Variants in KCNMA1 observed in about 807,000 individuals in gnomAD.
The protein encoded by KCNMA1 is Calcium-activated potassium channel subunit alpha-1.
In KCNMA1, 29 loss-of-function variants were observed where a neutral mutation model predicts 140.0. The ratio of observed to expected loss-of-function variants is 0.21; its 90% confidence interval spans 0.15 to 0.28. The LOEUF (loss-of-function observed/expected upper bound fraction) is 0.28. KCNMA1 is among the 10% of genes least tolerant of loss of function. KCNMA1 has a pLI of 1.00. For synonymous variants in KCNMA1, 612 were observed against 611.9 expected, an observed-to-expected ratio of 1.00 and a Z score of 0.00; for missense variants, 880 against 1,602.2, an observed-to-expected ratio of 0.55 and a Z score of 7.70.
At chr10:77,008,731 T>A (rs762924642) in intron 18 of KCNMA1, among the ~76,000 whole-genome samples, 15 of 152,174 alleles carry the variant, frequency 9.9e-5, no homozygotes, top group Non-Finnish European at 1.8e-4. Flanking sequence ...CCTCATGGGA[T>A]CTACCATTCC....
Position 77,637,552 on chromosome 10 carries a change from C to G in KCNMA1, c.91G>C (p.Ala31Pro). The G allele has an allele frequency of 1.9e-6, 3 of 1,544,334 alleles. No homozygotes were observed. Among genetic ancestry groups the G allele is most frequent in the South Asian group, 2.4e-5 (2 of 84,384 alleles). ...GACGCGTCTAGGCTGAGATGGTTCG[C>G]GTGGATATTGCTACTCATTCTAAGA... ...SSLRMSSNIH[A>P]NHLSLDASSS... The change falls in exon 1 of 28, where the codon GCG becomes CCG. Residue 31 changes from alanine to proline, a missense_variant. Around this residue, in one of 13 missense-constraint regions of KCNMA1, gnomAD observed 94 missense variants for 92.4 expected, o/e 1.02. Coordinates refer to ENST00000286628, the MANE Select transcript of KCNMA1 (RefSeq NM_001161352.2).
chr10:77,031,469 T>C (rs982688601), intron 15 of KCNMA1, among the ~76,000 whole-genome samples: 3 of 152,356 alleles, frequency 2.0e-5, no homozygotes, highest in South Asian at 2.1e-4. Context: ...CTGAACCCTA[T>C]AGGTATCTAA....
At chr10:77,487,800 C>T (rs2098478550) in intron 1 of KCNMA1, among the ~76,000 whole-genome samples, 1 of 152,178 alleles carries the variant, frequency 6.6e-6, no homozygotes, top group African/African-American at 2.4e-5. Flanking sequence ...CAGTGGTCCT[C>T]AGAGATGGCC....
chr10:77,264,266 G>A (rs1384100022), intron 2 of KCNMA1, among the ~76,000 whole-genome samples: 1 of 152,078 alleles, frequency 6.6e-6, no homozygotes, highest in African/African-American at 2.4e-5. Context: ...TCTAGCACAG[G>A]GGACCTAGAG....
intron 1 of KCNMA1, among the ~76,000 whole-genome samples, chr10:77,529,839 C>G (rs1371976344): frequency 6.6e-6 from 1 of 152,086 alleles, no homozygotes; most frequent in African/African-American, 2.4e-5. Context: ...CATCCTAATC[C>G]CAGTTTGGAG....
intron 1 of KCNMA1, among the ~76,000 whole-genome samples, chr10:77,544,319 T>G (rs2060906941): frequency 6.6e-6 from 1 of 152,124 alleles, no homozygotes; most frequent in Non-Finnish European, 1.5e-5. Flanking sequence ...TATAATTGTT[T>G]AAAGGAAAAA....
chr10:76,984,901 A>G (rs2080785075), intron 19 of KCNMA1, among the ~76,000 whole-genome samples: 1 of 152,212 alleles, frequency 6.6e-6, no homozygotes, highest in South Asian at 2.1e-4. Flanking sequence ...TTTATTTTAG[A>G]GAAATAAAGG....
chr10:77,480,449 C>G lies in KCNMA1; in HGVS notation c.379-76426G>C, dbSNP rs548972776. Among the ~76,000 whole-genome samples the G allele has an allele frequency of 2.0e-5, 3 of 152,380 alleles. No homozygotes were observed. In the South Asian group the frequency reaches 6.2e-4, roughly 32 times the overall value. On this transcript the variant is annotated intron_variant, in intron 1 of 27. Coordinates refer to ENST00000286628, the MANE Select transcript of KCNMA1 (RefSeq NM_001161352.2). The stretch of plus-strand genomic sequence containing the variant: ...CCTAAATTGCAGCAGAGCTGATCTT[C>G]TTCCAGCTGAGCCAAGGGCCATCAG...
At chr10:77,069,625 A>G (rs914374122) in intron 14 of KCNMA1, among the ~76,000 whole-genome samples, 2 of 152,298 alleles carry the variant, frequency 1.3e-5, no homozygotes, top group Non-Finnish European at 2.9e-5. Context: ...AGATTCCTAA[A>G]AAGTTTAGAT....
intron 5 of KCNMA1, among the ~76,000 whole-genome samples, chr10:77,159,586 C>T (rs949663188): frequency 1.3e-5 from 2 of 152,190 alleles, no homozygotes; most frequent in Non-Finnish European, 2.9e-5. Context: ...ACTTAAGTTA[C>T]ACCTACATCC....
chr10:77,397,623 T>C (rs2096105064), intron 2 of KCNMA1, among the ~76,000 whole-genome samples: 1 of 152,250 alleles, frequency 6.6e-6, no homozygotes, highest in African/African-American at 2.4e-5. Flanking sequence ...AAATACAGTT[T>C]ATTTGTATAA....
chr10:77,030,617 A>G (rs1366277436), intron 15 of KCNMA1, among the ~76,000 whole-genome samples: 4 of 152,194 alleles, frequency 2.6e-5, no homozygotes, highest in African/African-American at 4.8e-5. Context: ...GCTGGTAAGA[A>G]GGGAAGTAAC....
intron 1 of KCNMA1, among the ~76,000 whole-genome samples, chr10:77,516,029 G>A (rs921279576): frequency 2.0e-5 from 3 of 152,218 alleles, no homozygotes; most frequent in African/African-American, 7.2e-5. Context: ...AACTTCTCCA[G>A]GAGCAAATGT....
intron 2 of KCNMA1, among the ~76,000 whole-genome samples, chr10:77,292,866 G>T (rs375313473): frequency 2.6e-5 from 4 of 152,224 alleles, no homozygotes; most frequent in African/African-American, 4.8e-5. Context: ...AAGCAAGTAA[G>T]CATTCAAATA....
chr10:76,890,509 A>C (rs1308780376), intron 26 of KCNMA1, among the ~76,000 whole-genome samples: 1 of 152,182 alleles, frequency 6.6e-6, no homozygotes, highest in Non-Finnish European at 1.5e-5. Flanking sequence ...TAGCTATGAA[A>C]ATTCCCTTTC....
At chr10:77,096,042 C>T (rs563188916) in intron 9 of KCNMA1, among the ~76,000 whole-genome samples, 67 of 152,320 alleles carry the variant, frequency 4.4e-4, no homozygotes, top group Non-Finnish European at 6.3e-4. Context: ...CCCCCTCCCA[C>T]GTTCTTAAGT....
At chr10:77,335,396 T>C (rs986313818) in intron 2 of KCNMA1, among the ~76,000 whole-genome samples, 7 of 152,142 alleles carry the variant, frequency 4.6e-5, no homozygotes, top group Non-Finnish European at 8.8e-5. Context: ...AAAAGAAAAG[T>C]GTTTTTGGAC....
chr10:77,237,266 G>A (rs1170980707), intron 3 of KCNMA1, among the ~76,000 whole-genome samples: 2 of 152,166 alleles, frequency 1.3e-5, no homozygotes, highest in African/African-American at 4.8e-5. Context: ...TATCAGGTAG[G>A]TATTATCCAC....
chr10:77,417,623 T>C (rs2096771434), intron 1 of KCNMA1, among the ~76,000 whole-genome samples: 1 of 152,206 alleles, frequency 6.6e-6, no homozygotes, highest in South Asian at 2.1e-4. Context: ...GAAAGATGAA[T>C]GTTCTTGTTT....
Sources: allele counts gnomAD v4.1 joint callset (sites outside exome capture counted in the v4.1 genomes callset), GRCh38; gene constraint gnomAD v4.1.1; regional missense constraint gnomAD v4.1.1; transcripts MANE v1.5; gene names NCBI Gene and HGNC (gene_info 2026-07-23, HGNC 2026-07-21).